TANGO6: variants seen among roughly 807,000 people sequenced by gnomAD.
TANGO6 encodes the protein transport and Golgi organization protein 6 homolog.
Under a neutral mutation model 114.2 loss-of-function variants are expected in TANGO6, and 90 were observed. The ratio of observed to expected loss-of-function variants is 0.79; its 90% CI spans 0.66 to 0.94. TANGO6 has a LOEUF of 0.94. TANGO6 is among the 40% of genes least tolerant of loss of function. TANGO6 has a pLI of 0.00. For synonymous variants in TANGO6, 477 were observed against 509.8 expected (o/e 0.94, Z 0.87); for missense variants, 1,274 against 1,315.3 (o/e 0.97, Z 0.49).
chr16:69,019,001 G>A (rs1380633392), intron 15 of TANGO6, among the ~76,000 whole-genome samples: 6 of 152,190 alleles, frequency 3.9e-5, no homozygotes, highest in Admixed American at 2.6e-4. Context: ...ACATAAATGG[G>A]AATACTGGTT....
chr16:68,868,880 G>C (rs1029863409), intron 4 of TANGO6, among the ~76,000 whole-genome samples: 1 of 152,084 alleles, frequency 6.6e-6, no homozygotes, highest in African/African-American at 2.4e-5. Context: ...GTGTGGAAGA[G>C]GATCTTGTTC....
intron 12 of TANGO6, among the ~76,000 whole-genome samples, chr16:68,925,085 C>T (rs759315867): frequency 2.6e-5 from 4 of 151,524 alleles, no homozygotes; most frequent in Non-Finnish European, 5.9e-5. Context: ...CTGAGGTGGG[C>T]GGATCACATG....
In TANGO6 at chr16:68,972,540, T is replaced by C. The variant is rs576164340; in HGVS notation, c.2702-1488T>C. ...ATTCCTGAAATTTATATCAGGACTG[T>C]ATATTTGAATCCTGTTTACTCATCC... On this transcript the variant is annotated intron_variant, in intron 14 of 17. Transcript: ENST00000261778. 2.0e-4 allele frequency among the ~76,000 whole-genome samples: 30 copies of C among 152,294 alleles called. 2 individuals carry two copies. The South Asian group carries it at 5.2e-3, about 26-fold the overall frequency.
chr16:69,079,291 T>C (rs1162061839), intron 17 of TANGO6, among the ~76,000 whole-genome samples: 1 of 151,908 alleles, frequency 6.6e-6, no homozygotes, highest in East Asian at 1.9e-4. Context: ...GATCGCACAT[T>C]GCACTCCAGC....
chr16:69,040,629 T>A (rs895909522), intron 17 of TANGO6, among the ~76,000 whole-genome samples: 2 of 152,110 alleles, frequency 1.3e-5, no homozygotes, highest in Non-Finnish European at 2.9e-5. Flanking sequence ...TTGGCCAAAC[T>A]ATATACTAAG....
At chr16:69,062,787 TAAAAAAAAAAA>T (rs35731381) in intron 17 of TANGO6, among the ~76,000 whole-genome samples, 3 of 113,734 alleles carry the variant, frequency 2.6e-5, no homozygotes. Flanking sequence ...AAAAGAAATT[TAAAAAAAAAAA>T]AAAAAAAAAA....
chr16:68,970,868 T>C (rs1028375414), intron 14 of TANGO6, among the ~76,000 whole-genome samples: 3 of 151,652 alleles, frequency 2.0e-5, no homozygotes, highest in Non-Finnish European at 2.9e-5. Context: ...TTTTAGAAAG[T>C]AGCTATGGGC....
chr16:68,979,840 T>C (rs1338357188), intron 15 of TANGO6, among the ~76,000 whole-genome samples: 1 of 151,106 alleles, frequency 6.6e-6, no homozygotes, highest in African/African-American at 2.4e-5. Flanking sequence ...CAATTTTGTT[T>C]TTTGACTTTT....
At position 68,859,920 on chromosome 16, in the gene TANGO6, A is replaced by G; in HGVS notation, c.131A>G (p.Asp44Gly). 1 of 1,599,000 alleles carries G rather than the reference A, an allele frequency of 6.3e-7. No individual in the cohort carries two copies. Among genetic ancestry groups the G allele is most frequent in the Non-Finnish European group, 8.5e-7 (1 of 1,172,070 alleles). ...AGTTCACTACAGGTCACAAAACATG[A>G]TGTCTTGTTGGCTACTTTAAAATCT... ...GSSSLQVTKHDVLLATLKSNL... is the reference protein window; with the variant it reads ...GSSSLQVTKHGVLLATLKSNL... The change falls in exon 2 of 18, where the codon GAT becomes GGT. Residue 44 changes from aspartate (D) to glycine (G), a missense_variant. Asp to Gly is a moderately conservative substitution (Grantham distance 94). Coordinates refer to ENST00000261778, the MANE Select transcript of TANGO6 (RefSeq NM_024562.2).
intron 14 of TANGO6, among the ~76,000 whole-genome samples, chr16:68,966,518 T>TA (rs146421556): frequency 0.02 from 3,032 of 151,814 alleles, 109 homozygotes; most frequent in African/African-American, 0.07. Flanking sequence ...AAAAATAAAA[T>TA]AAAATAAATA....
chr16:68,987,785 G>T (rs891972152), intron 15 of TANGO6, among the ~76,000 whole-genome samples: 1 of 152,172 alleles, frequency 6.6e-6, no homozygotes, highest in Non-Finnish European at 1.5e-5. Context: ...TGAAAACTGT[G>T]TTTGTTCAAA....
intron 7 of TANGO6, among the ~76,000 whole-genome samples, chr16:68,895,766 A>G (rs936411799): frequency 1.3e-5 from 2 of 152,168 alleles, no homozygotes; most frequent in East Asian, 1.9e-4. Flanking sequence ...TCCAAAATCA[A>G]TCTGGTCATT....
intron 5 of TANGO6, among the ~76,000 whole-genome samples, chr16:68,876,320 C>T (rs1962359097): frequency 6.6e-6 from 1 of 152,042 alleles, no homozygotes; most frequent in Non-Finnish European, 1.5e-5. Flanking sequence ...CGCCACCACA[C>T]CCGGCTAATT....
chr16:68,885,881 T>C (rs1216644874), intron 7 of TANGO6, among the ~76,000 whole-genome samples: 1 of 152,222 alleles, frequency 6.6e-6, no homozygotes, highest in Non-Finnish European at 1.5e-5. Context: ...TGTGAACCTA[T>C]GTTATCGTTT....
intron 9 of TANGO6, among the ~76,000 whole-genome samples, chr16:68,902,964 G>A (rs1321726947): frequency 1.3e-5 from 2 of 152,162 alleles, no homozygotes; most frequent in Non-Finnish European, 2.9e-5. Context: ...ATTAGAAAGT[G>A]CTTAATAAAT....
chr16:69,028,046 A>T (rs930964680), intron 16 of TANGO6, among the ~76,000 whole-genome samples: 2 of 151,766 alleles, frequency 1.3e-5, no homozygotes, highest in Non-Finnish European at 2.9e-5. Context: ...TGCAACCTCC[A>T]CCTGCCGGGT....
chr16:69,043,452 A>G (rs983830158), intron 17 of TANGO6, among the ~76,000 whole-genome samples: 4 of 152,146 alleles, frequency 2.6e-5, no homozygotes, highest in Non-Finnish European at 5.9e-5. Flanking sequence ...ATTTGTGGCC[A>G]TGGAAGATTT....
intron 15 of TANGO6, among the ~76,000 whole-genome samples, chr16:68,988,546 A>G (rs1027625416): frequency 6.6e-6 from 1 of 152,188 alleles, no homozygotes; most frequent in Admixed American, 6.5e-5. Flanking sequence ...AAAAAATCCT[A>G]AGAAATTTTT....
At chr16:69,067,003 C>A (rs985578092) in intron 17 of TANGO6, among the ~76,000 whole-genome samples, 1 of 152,068 alleles carries the variant, frequency 6.6e-6, no homozygotes, top group Non-Finnish European at 1.5e-5. Context: ...CTCAAGTGAT[C>A]TTCCCTCCTC....
Sources: allele counts gnomAD v4.1 joint callset (sites outside exome capture counted in the v4.1 genomes callset), GRCh38; gene constraint gnomAD v4.1.1; transcripts MANE v1.5; gene names NCBI Gene and HGNC (gene_info 2026-07-23, HGNC 2026-07-21).